Variants in MCF2L2 observed in about 807,000 individuals in gnomAD.
MCF2L2 encodes the protein probable guanine nucleotide exchange factor MCF2L2.
MCF2L2 carries 102 observed loss-of-function variants against 150.2 expected under a neutral mutation model. The observed-to-expected ratio is 0.68, with a 90% CI of 0.58 to 0.80. The LOEUF is 0.80. Ranked by LOEUF, MCF2L2 falls within the 30% of genes least tolerant of loss-of-function variation. The pLI is 0.00. For synonymous variants in MCF2L2, 465 were observed against 491.3 expected (o/e 0.95, Z 0.71); for missense variants, 1,256 against 1,372.8 (o/e 0.91, Z 1.34).
intron 10 of MCF2L2, among the ~76,000 whole-genome samples, chr3:183,304,720 C>T (rs6780853): frequency 0.18 from 27,293 of 151,400 alleles, 2,943 homozygotes; most frequent in East Asian, 0.36. Context: ...GCAATTCACC[C>T]GCCTCGGCCT....
At chr3:183,340,072 C>T (rs923305447) in intron 4 of MCF2L2, among the ~76,000 whole-genome samples, 1 of 152,128 alleles carries the variant, frequency 6.6e-6, no homozygotes, top group Non-Finnish European at 1.5e-5. Context: ...AAGATAAATC[C>T]TATATCCACA....
At chr3:183,183,933 C>G (rs756918914) in intron 27 of MCF2L2, among the ~76,000 whole-genome samples, 3 of 152,166 alleles carry the variant, frequency 2.0e-5, no homozygotes, top group Non-Finnish European at 4.4e-5. Context: ...CACACACACA[C>G]ACCCCTCAGA....
chr3:183,270,472 G>A lies in MCF2L2; in HGVS notation c.1862+6400C>T. 3 of 1,614,122 alleles carry A rather than the reference G, an allele frequency of 1.9e-6. No homozygotes were observed. Among genetic ancestry groups the A allele is most frequent in the Admixed American group, 1.7e-5 (1 of 60,022 alleles). ...GACTTTTGGATTGGTCGTGTTCATC[G>A]TGGTGCCCCTCCCATTAGAGATAAA... On this transcript the variant is annotated intron_variant, in intron 15 of 29. Coordinates refer to ENST00000328913, the MANE Select transcript of MCF2L2 (RefSeq NM_015078.4). The surrounding 1 kb of genome is among the most constrained non-coding windows in gnomAD (Gnocchi z 4.5).
At chr3:183,311,869 T>C in intron 7 of MCF2L2, 97 bp from the exon 8 acceptor site, 1 of 1,112,896 alleles carries the variant, frequency 9.0e-7, no homozygotes, top group Non-Finnish European at 1.3e-6. Context: ...ACATTTTTCA[T>C]TTAGGAAATT....
chr3:183,231,196 C>T (rs575515382), intron 15 of MCF2L2, 179 bp from the exon 16 acceptor site: 23 of 683,286 alleles, frequency 3.4e-5, no homozygotes, highest in East Asian at 5.6e-5. Context: ...ATCTCACAAA[C>T]GCACACTGTG....
chr3:183,275,821 G>A (rs1727128784), intron 15 of MCF2L2, among the ~76,000 whole-genome samples: 2 of 152,120 alleles, frequency 1.3e-5, no homozygotes, highest in Admixed American at 1.3e-4. Flanking sequence ...TCACTATGTT[G>A]CTCAGGCTGG....
intron 27 of MCF2L2, among the ~76,000 whole-genome samples, chr3:183,186,682 G>A (rs1307485524): frequency 6.6e-6 from 1 of 152,208 alleles, no homozygotes; most frequent in Non-Finnish European, 1.5e-5. Flanking sequence ...AGCCAAGTTC[G>A]TGCCATTGCA....
At chr3:183,265,276 C>T (rs1725989764) in intron 15 of MCF2L2, 1 of 152,268 alleles carries the variant, frequency 6.6e-6, no homozygotes, top group Non-Finnish European at 1.5e-5. Flanking sequence ...GGCCACTGAC[C>T]CGTGCTGCAG....
At position 183,305,217 on chromosome 3, in the gene MCF2L2, G is replaced by A; in HGVS notation, c.1113+4499C>T. Among the ~76,000 whole-genome samples, 1 of 152,174 alleles carries A rather than the reference G, an allele frequency of 6.6e-6. No individual in the cohort carries two copies. Among genetic ancestry groups the A allele is most frequent in the Non-Finnish European group, 1.5e-5 (1 of 68,034 alleles). On this transcript the variant is annotated intron_variant, in intron 10 of 29. Coordinates refer to ENST00000328913, the MANE Select transcript of MCF2L2 (RefSeq NM_015078.4). The surrounding 1 kb of genome is among the most constrained non-coding windows in gnomAD (Gnocchi z 4.1). ...AGACCAACATACACAGAGAAAAATG[G>A]CTGCACTTGTTCTGCCTAAACTTAG... is the stretch of plus-strand genomic sequence containing the variant.
chr3:183,279,341 A>G (rs1727348055), intron 14 of MCF2L2, among the ~76,000 whole-genome samples: 1 of 152,146 alleles, frequency 6.6e-6, no homozygotes, highest in African/African-American at 2.4e-5. Context: ...GGAGGAAGAG[A>G]GCATATTCAA....
At chr3:183,297,463 T>G (rs1436849318) in intron 11 of MCF2L2, 3 of 310,100 alleles carry the variant, frequency 9.7e-6, no homozygotes, top group Non-Finnish European at 1.8e-5. Context: ...TAAATATATA[T>G]TTAATTAAAG....
At chr3:183,192,907 G>A in intron 27 of MCF2L2, 92 bp downstream of exon 27, 2 of 872,508 alleles carry the variant, frequency 2.3e-6, no homozygotes, top group Non-Finnish European at 3.7e-6. Flanking sequence ...CTAAAGAAGG[G>A]CTGGGCCCTA....
At chr3:183,407,219 T>C (rs1422803858) in intron 1 of MCF2L2, among the ~76,000 whole-genome samples, 1 of 152,256 alleles carries the variant, frequency 6.6e-6, no homozygotes, top group Admixed American at 6.5e-5. Context: ...TTGATCTATA[T>C]GTCTATCCTT....
Position 183,187,472 on chromosome 3 carries a change from A to T in MCF2L2, c.3016+5527T>A, listed in dbSNP as rs116444732. 5.9e-3 allele frequency among the ~76,000 whole-genome samples: 895 copies of T among 151,976 alleles called. 11 individuals carry two copies. Among genetic ancestry groups the T allele is most frequent in the African/African-American group, 0.02 (824 of 41,460 alleles). ...TAACCTTTATTTTTTTTATTATTTT[A>T]TTATTTTTTTATTTTTGGATGGAGT... On this transcript the variant is annotated intron_variant, in intron 27 of 29. Coordinates refer to ENST00000328913, the MANE Select transcript of MCF2L2 (RefSeq NM_015078.4).
At chr3:183,234,707 T>A (rs199748019) in intron 15 of MCF2L2, among the ~76,000 whole-genome samples, 28 of 113,938 alleles carry the variant, frequency 2.5e-4, no homozygotes, top group Admixed American at 7.7e-4. Flanking sequence ...TTTTTTTTTT[T>A]TTATTATACT....
At chr3:183,269,962 A>G (rs774205503) in intron 15 of MCF2L2, 2 of 1,614,154 alleles carry the variant, frequency 1.2e-6, no homozygotes, top group South Asian at 2.2e-5. Context: ...ATAAATAGCT[A>G]TGACTTTGTG....
chr3:183,195,177 C>G, intron 26 of MCF2L2, 45 bp downstream of exon 26: 1 of 1,480,464 alleles, frequency 6.8e-7, no homozygotes, highest in South Asian at 1.2e-5. Context: ...TATGAAACAT[C>G]CAAAGCATTT....
At chr3:183,183,065 G>A (rs531831196) in intron 27 of MCF2L2, among the ~76,000 whole-genome samples, 27 of 152,270 alleles carry the variant, frequency 1.8e-4, no homozygotes, top group African/African-American at 6.5e-4. Context: ...GTGTGATCAC[G>A]GCTCACTGCA....
chr3:183,270,206 A>G lies in MCF2L2; in HGVS notation c.1862+6666T>C. On this transcript the variant is annotated intron_variant, in intron 15 of 29. Transcript: ENST00000328913. The surrounding 1 kb of genome is among the most constrained non-coding windows in gnomAD (Gnocchi z 4.5). ...TGTTTGCCTTAGGAACTCCTAATCCACTGGAGGGAGAAGAACTACAAAGAA... is the reference window on the plus strand; with the variant it reads ...TGTTTGCCTTAGGAACTCCTAATCCGCTGGAGGGAGAAGAACTACAAAGAA... The G allele has an allele frequency of 2.5e-6, 4 of 1,614,230 alleles. No homozygotes were observed. Among genetic ancestry groups the G allele is most frequent in the Non-Finnish European group, 3.4e-6 (4 of 1,180,038 alleles).
Sources: gnomAD v4.1 joint callset for allele counts (sites outside exome capture counted in the v4.1 genomes callset) on GRCh38, gnomAD v4.1.1 for gene constraint, Gnocchi (gnomAD v3.1) non-coding constraint, MANE v1.5 for transcripts, NCBI Gene and HGNC (gene_info 2026-07-23, HGNC 2026-07-21) for gene names.